Variants in PAK3 observed in about 807,000 individuals in gnomAD.
PAK3 encodes the protein p21 (RAC1) activated kinase 3.
A neutral mutation model predicts 41.0 loss-of-function variants in PAK3; 4 were observed. That is an observed-to-expected ratio of 0.10 (90% CI 0.05 to 0.22). PAK3 has a LOEUF of 0.22. Ranked by LOEUF, PAK3 falls within the 10% of genes least tolerant of loss-of-function variation. PAK3 has a pLI of 1.00. For missense variants in PAK3, 205 were observed against 409.9 expected (o/e 0.50, Z 4.32); for synonymous variants, 146 against 139.6 (o/e 1.05, Z -0.32).
At chrX:111,046,978 CTA>C (rs1402952890) in intron 1 of PAK3, among the ~76,000 whole-genome samples, 1 of 111,444 alleles carries the variant, frequency 9.0e-6, no homozygotes, top group Admixed American at 9.5e-5. Flanking sequence ...TAGCACTTGG[CTA>C]TATAAGGAGG....
At chrX:111,087,949 C>A (rs1304326549) in intron 1 of PAK3, among the ~76,000 whole-genome samples, 1 of 109,652 alleles carries the variant, frequency 9.1e-6, no homozygotes, top group East Asian at 2.9e-4. Context: ...AGAGAATAAC[C>A]ACAAGCCTGT....
At chrX:111,187,717 A>G (rs762992953) in intron 11 of PAK3, among the ~76,000 whole-genome samples, 2 of 111,277 alleles carry the variant, frequency 1.8e-5, no homozygotes, top group Non-Finnish European at 3.8e-5. Context: ...GAGTGCTAAG[A>G]CAGAGCTGGG....
chrX:111,017,559 C>A (rs1298718917), intron 1 of PAK3, among the ~76,000 whole-genome samples: 1 of 111,585 alleles, frequency 9.0e-6, no homozygotes, highest in East Asian at 2.8e-4. Flanking sequence ...ATAGACAATG[C>A]CAATACACCT....
chrX:111,163,037 T>C lies in PAK3; in HGVS notation c.591T>C (p.His197=), dbSNP rs767063075. ...PPPVIAPRPE[H]TKSIYTRSVV... ...CAGTTATCGCACCAAGACCAGAGCA[T>C]ACAAAATCAGTAAGTCACAAAGGAC... The change falls in exon 9 of 18, where the codon CAT becomes CAC. Residue 197 remains histidine, a synonymous_variant. Transcript: ENST00000372007. 3.3e-6 allele frequency: 4 copies of C among 1,207,525 alleles called. No homozygotes were observed. The highest frequency in any genetic ancestry group is 3.0e-5 in the East Asian group (1 of 33,775).
At chrX:111,105,855 C>T (rs776827283) in intron 4 of PAK3, among the ~76,000 whole-genome samples, 2 of 111,410 alleles carry the variant, frequency 1.8e-5, no homozygotes, top group African/African-American at 6.5e-5. Flanking sequence ...AAAACCGTCA[C>T]TCTACCCTCT....
intron 1 of PAK3, among the ~76,000 whole-genome samples, chrX:110,948,613 G>T (rs1318904420): frequency 4.5e-5 from 5 of 111,919 alleles, no homozygotes; most frequent in Non-Finnish European, 7.5e-5. Context: ...GCCTTGAAAG[G>T]AGAATGGAGT....
chrX:111,015,042 C>T (rs147866888), intron 1 of PAK3, among the ~76,000 whole-genome samples: 65 of 110,578 alleles, frequency 5.9e-4, no homozygotes, highest in African/African-American at 2.1e-3. Context: ...GCTCCTAGCC[C>T]AGGGTTTAGC....
intron 1 of PAK3, among the ~76,000 whole-genome samples, chrX:111,010,156 G>A (rs756473656): frequency 1.5e-3 from 168 of 111,734 alleles, no homozygotes; most frequent in South Asian, 0.012. Context: ...GCCTTACCTC[G>A]CTCAGATTTA....
intron 5 of PAK3, among the ~76,000 whole-genome samples, chrX:111,140,005 A>C (rs1193023343): frequency 3.6e-5 from 4 of 111,870 alleles, no homozygotes; most frequent in African/African-American, 9.7e-5. Context: ...GAAGTGAATG[A>C]AACTGCTCCT....
At chrX:111,143,976 T>G (rs977533402) in intron 6 of PAK3, among the ~76,000 whole-genome samples, 2 of 111,683 alleles carry the variant, frequency 1.8e-5, no homozygotes, top group African/African-American at 6.5e-5. Flanking sequence ...AATATTTTAT[T>G]CTTTCCACTT....
At chrX:111,136,106 A>G (rs952774368) in intron 5 of PAK3, among the ~76,000 whole-genome samples, 1 of 111,599 alleles carries the variant, frequency 9.0e-6, no homozygotes, top group Admixed American at 9.5e-5. Context: ...AATAACTGAA[A>G]AAAAAGGAGT....
intron 1 of PAK3, among the ~76,000 whole-genome samples, chrX:111,069,060 A>C (rs761097552): frequency 8.9e-6 from 1 of 111,736 alleles, no homozygotes; most frequent in Non-Finnish European, 1.9e-5. Context: ...GCTTTTTTAT[A>C]TTCAGCACCA....
intron 17 of PAK3, chrX:111,217,693 A>C: frequency 1.5e-6 from 1 of 668,741 alleles, no homozygotes; most frequent in Non-Finnish European, 1.8e-6. Context: ...TAGGGCCCTA[A>C]AATGTCAAAT....
At chrX:111,104,408 A>G (rs750760601) in intron 4 of PAK3, among the ~76,000 whole-genome samples, 1 of 112,299 alleles carries the variant, frequency 8.9e-6, no homozygotes, top group South Asian at 3.7e-4. Context: ...CAATGCGCCT[A>G]CAGACAAGGT....
At chrX:110,969,051 C>T (rs1170561422) in intron 1 of PAK3, among the ~76,000 whole-genome samples, 1 of 103,221 alleles carries the variant, frequency 9.7e-6, no homozygotes, top group Admixed American at 1.1e-4. Flanking sequence ...CCTCAGCCTC[C>T]TGAGTAGCTG....
chrX:111,095,553 G>A (rs1257420103), upstream of PAK3, among the ~76,000 whole-genome samples: 1 of 112,251 alleles, frequency 8.9e-6, no homozygotes, highest in East Asian at 2.8e-4. Context: ...TGGACAGAGA[G>A]AATCGCATTT....
Position 111,184,748 on chromosome X carries a change from C to A in PAK3, c.831-7379C>A, listed in dbSNP as rs1462588956. 4.5e-5 allele frequency among the ~76,000 whole-genome samples: 5 copies of A among 111,586 alleles called. No individual in the cohort carries two copies. The East Asian group carries it at 1.4e-3, about 31-fold the overall frequency. On this transcript the variant is annotated intron_variant, in intron 11 of 17. Transcript: ENST00000372007. ...CATTAACTCATCCTTTTTATGGCTG[C>A]ATAGTACTCCATGGTATATATGTGT... is the stretch of plus-strand genomic sequence containing the variant.
chrX:111,042,647 C>T (rs1012402002), intron 1 of PAK3, among the ~76,000 whole-genome samples: 2 of 111,701 alleles, frequency 1.8e-5, no homozygotes. Flanking sequence ...TCTAGACTAA[C>T]TGACCAAAAT....
intron 14 of PAK3, 30 bp from the exon 15 acceptor site, chrX:111,195,812 T>C (rs759558271): frequency 1.1e-6 from 1 of 909,606 alleles, no homozygotes; most frequent in South Asian, 2.0e-5. Context: ...ATTTGTGATA[T>C]AATTAGAACT....
Sources: allele counts gnomAD v4.1 joint callset (sites outside exome capture counted in the v4.1 genomes callset), GRCh38; gene constraint gnomAD v4.1.1; transcripts MANE v1.5; gene names NCBI Gene and HGNC (gene_info 2026-07-23, HGNC 2026-07-21).